ARIH1: variants seen among roughly 807,000 people sequenced by gnomAD.
ARIH1 encodes ariadne RBR E3 ubiquitin protein ligase 1, also known as E3 ubiquitin-protein ligase ARIH1.
In ARIH1, 8 loss-of-function variants were observed where a neutral mutation model predicts 85.0. The ratio of observed to expected loss-of-function variants is 0.09; its 90% confidence interval spans 0.06 to 0.17. The LOEUF is 0.17. Ranked by LOEUF, ARIH1 falls within the 10% of genes least tolerant of loss-of-function variation. The pLI, the probability that ARIH1 is intolerant of heterozygous loss-of-function variation, is 1.00. For missense variants in ARIH1, 311 were observed against 718.1 expected, an observed-to-expected ratio of 0.43 and a Z score of 6.48; for synonymous variants, 238 against 253.6, an observed-to-expected ratio of 0.94 and a Z score of 0.59.
At chr15:72,548,491 T>C (rs2064139122) in intron 3 of ARIH1, among the ~76,000 whole-genome samples, 1 of 152,246 alleles carries the variant, frequency 6.6e-6, no homozygotes, top group Admixed American at 6.5e-5. Flanking sequence ...TGTAATGAAA[T>C]TACTCTTTTA....
rs2064122790 is a variant in ARIH1 at position 72,545,002 on chromosome 15, T to C, written c.588+38T>C. ...TAGTTTAAGGCTAGTGCTGACTTTG[T>C]ATTTCAGAGGGTAAATCAACTTCCA... On this transcript the variant is annotated intron_variant, in intron 3 of 13. Transcript: ENST00000379887. The C allele has an allele frequency of 6.0e-6, 9 of 1,492,082 alleles. No individual in the cohort carries two copies. The East Asian group carries it at 1.8e-4, about 31-fold the overall frequency. The allele number at this position is 1,492,082 out of a possible 1,614,324, so 92.4% of individuals were successfully genotyped here. A position where few individuals can be genotyped will look rare whatever the true frequency, so the allele number is the denominator to read the frequency against.
chr15:72,571,973 C>A, intron 10 of ARIH1, 135 bp from the exon 11 acceptor site: 1 of 633,142 alleles, frequency 1.6e-6, no homozygotes, highest in Non-Finnish European at 2.7e-6. Context: ...GGTGTTTTAA[C>A]ATCTCAATTT....
At chr15:72,566,694 A>C in intron 8 of ARIH1, 89 bp downstream of exon 8, 1 of 1,150,176 alleles carries the variant, frequency 8.7e-7, no homozygotes, top group Non-Finnish European at 1.2e-6. Flanking sequence ...TTTGTTATCT[A>C]TCTATTGATA....
intron 1 of ARIH1, among the ~76,000 whole-genome samples, chr15:72,513,033 T>G (rs1313775603): frequency 6.6e-6 from 1 of 152,172 alleles, no homozygotes; most frequent in Non-Finnish European, 1.5e-5. Flanking sequence ...ACTTTTAATC[T>G]GTATATATCA....
At chr15:72,495,359 A>G (rs1213846675) in intron 1 of ARIH1, among the ~76,000 whole-genome samples, 1 of 152,196 alleles carries the variant, frequency 6.6e-6, no homozygotes. Flanking sequence ...AGTTAATTTC[A>G]TGGTATATCT....
chr15:72,563,639 A>C (rs2064206544), intron 7 of ARIH1, 139 bp downstream of exon 7: 3 of 670,428 alleles, frequency 4.5e-6, no homozygotes, highest in Non-Finnish European at 7.5e-6. Flanking sequence ...AATAGTATAT[A>C]TCTCTTTCAG....
At chr15:72,549,512 C>T (rs1478621789) in intron 3 of ARIH1, among the ~76,000 whole-genome samples, 1 of 152,110 alleles carries the variant, frequency 6.6e-6, no homozygotes, top group African/African-American at 2.4e-5. Flanking sequence ...TTCCTGAAGC[C>T]CCTCTGTGGA....
Position 72,474,480 on chromosome 15 carries a change from A to C in ARIH1, c.-160A>C. Reference sequence around the variant, plus strand: ...GCCCTCCCCGCCGCCACCAGCCGTCAAACGCCAACCGCCGCTCCTGGGGAG... The same window carrying C: ...GCCCTCCCCGCCGCCACCAGCCGTCCAACGCCAACCGCCGCTCCTGGGGAG... On this transcript the variant is annotated 5_prime_UTR_variant, in exon 1 of 14. Transcript: ENST00000379887. 1 of 996,370 alleles carries C rather than the reference A, an allele frequency of 1.0e-6. No homozygotes were observed. The highest frequency in any genetic ancestry group is 1.4e-6 in the Non-Finnish European group (1 of 716,786). 61.7% of individuals were successfully genotyped at this position (996,370 alleles called of 1,614,324 possible).
chr15:72,522,184 AC>A (rs2064003053), intron 2 of ARIH1, among the ~76,000 whole-genome samples: 2 of 152,204 alleles, frequency 1.3e-5, no homozygotes, highest in Non-Finnish European at 2.9e-5. Flanking sequence ...AGGGCAATTT[AC>A]AGTCTTAAGG....
intron 6 of ARIH1, 119 bp downstream of exon 6, chr15:72,561,668 C>T (rs2064197991): frequency 3.1e-6 from 2 of 641,458 alleles, no homozygotes; most frequent in African/African-American, 3.8e-5. Context: ...TGAAGCATGC[C>T]AAAATACCTT....
At chr15:72,480,825 A>G (rs1356462912) in intron 1 of ARIH1, among the ~76,000 whole-genome samples, 3 of 152,170 alleles carry the variant, frequency 2.0e-5, no homozygotes, top group African/African-American at 7.2e-5. Context: ...TCGGCCTCCC[A>G]AAGTTCTGGG....
intron 2 of ARIH1, among the ~76,000 whole-genome samples, chr15:72,537,887 G>A (rs976206245): frequency 6.6e-6 from 1 of 152,118 alleles, no homozygotes; most frequent in Non-Finnish European, 1.5e-5. Flanking sequence ...AGAAGTAAAC[G>A]TTATGTGTAT....
At chr15:72,503,721 T>C (rs2063912798) in intron 1 of ARIH1, among the ~76,000 whole-genome samples, 1 of 152,240 alleles carries the variant, frequency 6.6e-6, no homozygotes, top group Non-Finnish European at 1.5e-5. Flanking sequence ...GCAGGATTTT[T>C]CTTGACCCCT....
At chr15:72,521,570 T>C (rs2064000064) in intron 2 of ARIH1, among the ~76,000 whole-genome samples, 2 of 151,426 alleles carry the variant, frequency 1.3e-5, no homozygotes, top group African/African-American at 4.9e-5. Flanking sequence ...TAAGATGGAG[T>C]CTTGCCTCTG....
In ARIH1 at chr15:72,510,511, G is replaced by A. The variant is rs192499373; in HGVS notation, c.376-7556G>A. Among the ~76,000 whole-genome samples, 17 of 151,856 alleles carry A rather than the reference G, an allele frequency of 1.1e-4. No homozygotes were observed. In the East Asian group the frequency reaches 1.2e-3, roughly 10 times the overall value. On this transcript the variant is annotated intron_variant, in intron 1 of 13. Coordinates refer to ENST00000379887, the MANE Select transcript of ARIH1 (RefSeq NM_005744.5). ...GTACTACCCAGCACTTTGGGAGGCC[G>A]AGGCGGGTGGATCACGAGGTCAGGA...
Position 72,591,629 on chromosome 15 carries a change from G to A in ARIH1, c.*8337G>A, listed in dbSNP as rs1457039575. 8.5e-5 allele frequency: 13 copies of A among 152,098 alleles called. No homozygotes were observed. The highest frequency in any genetic ancestry group is 8.5e-4 in the Admixed American group (13 of 15,272). The allele number at this position is 152,098 out of a possible 1,614,324, so 9.4% of individuals were successfully genotyped here. The stretch of plus-strand genomic sequence containing the variant: ...TCCTTGCTATGTGTACTCCCACCTC[G>A]GTATGTCAAATCATTTTCTCAGAGG... On this transcript the variant is annotated 3_prime_UTR_variant, in exon 14 of 14. Transcript: ENST00000379887.
chr15:72,557,246 G>C (rs1247213991), intron 5 of ARIH1, among the ~76,000 whole-genome samples: 1 of 151,722 alleles, frequency 6.6e-6, no homozygotes, highest in Admixed American at 6.6e-5. Context: ...GTACCTGTTG[G>C]CTGCGTATAT....
chr15:72,546,004 A>G (rs1029738332), intron 3 of ARIH1, among the ~76,000 whole-genome samples: 7 of 152,216 alleles, frequency 4.6e-5, no homozygotes, highest in South Asian at 2.1e-4. Flanking sequence ...AATAATTACT[A>G]TATAACAAGT....
At chr15:72,512,179 C>A (rs1056075381) in intron 1 of ARIH1, among the ~76,000 whole-genome samples, 1 of 152,014 alleles carries the variant, frequency 6.6e-6, no homozygotes, top group East Asian at 1.9e-4. Context: ...GAAGTGGTCC[C>A]TCCTATTCTA....
Sources: allele counts gnomAD v4.1 joint callset (sites outside exome capture counted in the v4.1 genomes callset), GRCh38; gene constraint gnomAD v4.1.1; transcripts MANE v1.5; gene names NCBI Gene and HGNC (gene_info 2026-07-23, HGNC 2026-07-21).